VTI1A: variants seen among roughly 807,000 people sequenced by gnomAD.
VTI1A encodes vesicle transport through interaction with t-SNAREs 1A.
Under a neutral mutation model 34.9 loss-of-function variants are expected in VTI1A, and 22 were observed. That is an observed-to-expected ratio of 0.63 (90% CI 0.45 to 0.90). The LOEUF (loss-of-function observed/expected upper bound fraction) is 0.90. Among genes scored for constraint, VTI1A ranks in the 40% least tolerant of loss-of-function variants. The pLI is 0.00. For synonymous variants in VTI1A, 87 were observed against 97.3 expected (o/e 0.89, Z 0.62); for missense variants, 268 against 275.6 (o/e 0.97, Z 0.20).
intron 5 of VTI1A, among the ~76,000 whole-genome samples, chr10:112,542,672 A>G (rs1051466740): frequency 6.6e-6 from 1 of 152,208 alleles, no homozygotes; most frequent in African/African-American, 2.4e-5. Context: ...ACTGTTTTCC[A>G]TACTTTATAT....
Position 112,815,337 on chromosome 10 carries a change from T to A in VTI1A, c.608T>A (p.Val203Asp), listed in dbSNP as rs377156614. The change falls in exon 8 of 8, where the codon GTC becomes GAC. Residue 203 changes from valine (V) to aspartate (D), a missense_variant. Transcript: ENST00000393077. ...ILLVILGIIV[V>D]ITILMAITFS... ...CTCGTCATCCTAGGGATCATCGTGGTCATCACCATCCTGATGGCGATCACT... is the reference window on the plus strand; with the variant it reads ...CTCGTCATCCTAGGGATCATCGTGGACATCACCATCCTGATGGCGATCACT... The A allele has an allele frequency of 6.2e-7, 1 of 1,614,030 alleles. No individual in the cohort carries two copies. Among genetic ancestry groups the A allele is most frequent in the Admixed American group, 1.7e-5 (1 of 59,996 alleles).
chr10:112,792,381 G>A (rs1387575315), intron 7 of VTI1A, among the ~76,000 whole-genome samples: 2 of 152,142 alleles, frequency 1.3e-5, no homozygotes, highest in Non-Finnish European at 2.9e-5. Context: ...ATCAGGAAAT[G>A]GGGGCCCAGA....
At chr10:112,464,918 C>T (rs903279554) in intron 3 of VTI1A, among the ~76,000 whole-genome samples, 4 of 152,182 alleles carry the variant, frequency 2.6e-5, no homozygotes, top group Admixed American at 6.5e-5. Flanking sequence ...TGATACTTAA[C>T]ATTTATTAAA....
chr10:112,481,906 G>A (rs1205887853), intron 3 of VTI1A, among the ~76,000 whole-genome samples: 1 of 152,160 alleles, frequency 6.6e-6, no homozygotes, highest in East Asian at 1.9e-4. Context: ...CAACTTGATA[G>A]TACAATTACT....
At chr10:112,700,627 C>G (rs1848977721) in intron 7 of VTI1A, among the ~76,000 whole-genome samples, 1 of 152,168 alleles carries the variant, frequency 6.6e-6, no homozygotes, top group Non-Finnish European at 1.5e-5. Context: ...AGCCAAATTG[C>G]TCATATTGGC....
chr10:112,622,227 C>G (rs964780548), intron 5 of VTI1A, among the ~76,000 whole-genome samples: 1 of 152,084 alleles, frequency 6.6e-6, no homozygotes, highest in Non-Finnish European at 1.5e-5. Flanking sequence ...AACTGCAAAC[C>G]GGTCCCTGTG....
chr10:112,594,950 T>G (rs1169371627), intron 5 of VTI1A, among the ~76,000 whole-genome samples: 1 of 148,268 alleles, frequency 6.7e-6, no homozygotes, highest in Non-Finnish European at 1.5e-5. Flanking sequence ...ATGGTACTGG[T>G]ACCAAAACAG....
intron 5 of VTI1A, among the ~76,000 whole-genome samples, chr10:112,639,388 G>A (rs1846481414): frequency 6.6e-6 from 1 of 152,106 alleles, no homozygotes; most frequent in African/African-American, 2.4e-5. Context: ...ATTACTAATT[G>A]GATAGTTATT....
intron 5 of VTI1A, among the ~76,000 whole-genome samples, chr10:112,621,281 A>G (rs1845723550): frequency 6.6e-6 from 1 of 152,212 alleles, no homozygotes; most frequent in African/African-American, 2.4e-5. Flanking sequence ...GAGATTACAC[A>G]TTAGCATATT....
intron 7 of VTI1A, among the ~76,000 whole-genome samples, chr10:112,699,341 C>T (rs1848908909): frequency 1.3e-5 from 2 of 152,202 alleles, no homozygotes; most frequent in Non-Finnish European, 2.9e-5. Context: ...AAGGTGCTGG[C>T]AGATCTGCTG....
chr10:112,622,837 T>A (rs900536437), intron 5 of VTI1A, among the ~76,000 whole-genome samples: 7 of 152,208 alleles, frequency 4.6e-5, no homozygotes, highest in African/African-American at 1.7e-4. Flanking sequence ...TAAATAAGAA[T>A]AGGCTGTTAC....
intron 2 of VTI1A, among the ~76,000 whole-genome samples, chr10:112,461,046 C>T (rs1847710328): frequency 6.6e-6 from 1 of 152,190 alleles, no homozygotes; most frequent in Non-Finnish European, 1.5e-5. Flanking sequence ...CATGTCTTCT[C>T]TAAGACATGA....
At chr10:112,481,000 A>G (rs1848443885) in intron 3 of VTI1A, among the ~76,000 whole-genome samples, 1 of 152,186 alleles carries the variant, frequency 6.6e-6, no homozygotes, top group African/African-American at 2.4e-5. Flanking sequence ...GGTTAAGTTG[A>G]GCAGCTCAGC....
intron 7 of VTI1A, among the ~76,000 whole-genome samples, chr10:112,799,898 AG>A (rs909653002): frequency 3.9e-5 from 6 of 152,144 alleles, no homozygotes; most frequent in African/African-American, 1.2e-4. Flanking sequence ...TGGGGGGACT[AG>A]ACAAGGAGCA....
intron 7 of VTI1A, among the ~76,000 whole-genome samples, chr10:112,698,621 A>C (rs907343155): frequency 2.6e-5 from 4 of 152,216 alleles, no homozygotes; most frequent in African/African-American, 7.2e-5. Flanking sequence ...ATCTGCTCTA[A>C]CACTTGCTTT....
intron 7 of VTI1A, among the ~76,000 whole-genome samples, chr10:112,721,825 G>A (rs1344541946): frequency 6.6e-6 from 1 of 152,214 alleles, no homozygotes; most frequent in African/African-American, 2.4e-5. Context: ...ACAATGAAAT[G>A]TGTTGTCTTA....
At chr10:112,519,081 A>G (rs1170605978) in intron 3 of VTI1A, among the ~76,000 whole-genome samples, 1 of 152,104 alleles carries the variant, frequency 6.6e-6, no homozygotes, top group East Asian at 1.9e-4. Flanking sequence ...CTATAACCTC[A>G]CTATAACACA....
chr10:112,655,600 C>A lies in VTI1A; in HGVS notation c.428-12618C>A, dbSNP rs999045173. Reference sequence around the variant, plus strand: ...GTGTGTTGGTGGTCTTTGAATAAGACAAGCTAAGAAACGTGATGAATCCTA... The same window carrying A: ...GTGTGTTGGTGGTCTTTGAATAAGAAAAGCTAAGAAACGTGATGAATCCTA... On this transcript the variant is annotated intron_variant, in intron 5 of 7. Coordinates refer to ENST00000393077, the MANE Select transcript of VTI1A (RefSeq NM_145206.4). 1.8e-4 allele frequency among the ~76,000 whole-genome samples: 27 copies of A among 152,026 alleles called. 1 individual carries two copies. Among genetic ancestry groups the A allele is most frequent in the African/African-American group, 6.3e-4 (26 of 41,472 alleles).
At chr10:112,824,986 A>C in the VTI1A span, 4 of 152,402 alleles carry the variant, frequency 2.6e-5, no homozygotes, top group African/African-American at 9.6e-5. Context: ...TAAGTGGTCC[A>C]GGATGCAGGG....
Sources: allele counts gnomAD v4.1 joint callset (sites outside exome capture counted in the v4.1 genomes callset), GRCh38; gene constraint gnomAD v4.1.1; transcripts MANE v1.5; gene names NCBI Gene and HGNC (gene_info 2026-07-23, HGNC 2026-07-21).